PCDH9: variants seen among roughly 807,000 people sequenced by gnomAD.
PCDH9 encodes protocadherin-9.
PCDH9 carries 24 observed loss-of-function variants against 70.6 expected under a neutral mutation model. The observed-to-expected ratio is 0.34, with a 90% CI of 0.25 to 0.48. PCDH9 has a LOEUF of 0.48. PCDH9 is among the 20% of genes least tolerant of loss of function. The pLI is 0.99. For synonymous variants in PCDH9, 562 were observed against 558.5 expected, an observed-to-expected ratio of 1.01 and a Z score of -0.09; for missense variants, 1,281 against 1,503.6, an observed-to-expected ratio of 0.85 and a Z score of 2.45.
intron 4 of PCDH9, among the ~76,000 whole-genome samples, chr13:66,618,981 G>A (rs1566459521): frequency 6.6e-6 from 1 of 152,148 alleles, no homozygotes; most frequent in African/African-American, 2.4e-5. Flanking sequence ...CCTTAAAGAA[G>A]CTTAAACATG....
intron 4 of PCDH9, among the ~76,000 whole-genome samples, chr13:66,604,749 A>G (rs891035139): frequency 2.0e-5 from 3 of 152,092 alleles, no homozygotes; most frequent in Non-Finnish European, 4.4e-5. Flanking sequence ...ATATCTTTTC[A>G]ACGCCATCAT....
At position 67,225,505 on chromosome 13, in the gene PCDH9, G is replaced by A; in HGVS notation, c.2936C>T (p.Thr979Ile). The A allele has an allele frequency of 1.2e-6, 2 of 1,614,030 alleles. No individual in the cohort carries two copies. Among genetic ancestry groups the A allele is most frequent in the South Asian group, 1.1e-5 (1 of 91,076 alleles). ...ACTAGTGGAAGAGCGTTTAGAAAGG[G>A]TGTCACAACCCCCAACAAAGGTGTT... ...LDNTFVGGCD[T>I]LSKRSSTSSD... is the part of the protein sequence containing the mutation. Residue 979 changes from threonine to isoleucine, a missense_variant, in exon 2 of 5, where the codon ACC becomes ATC. Around this residue, in one of 4 missense-constraint regions of PCDH9, gnomAD observed 207 missense variants for 191.8 expected, o/e 1.08. Coordinates refer to ENST00000377865, the MANE Select transcript of PCDH9 (RefSeq NM_203487.3).
At chr13:66,535,626 A>G (rs1371333061) in intron 4 of PCDH9, among the ~76,000 whole-genome samples, 5 of 152,138 alleles carry the variant, frequency 3.3e-5, no homozygotes, top group Admixed American at 3.3e-4. Flanking sequence ...TGGATTGATT[A>G]TGAATGTAAC....
intron 4 of PCDH9, among the ~76,000 whole-genome samples, chr13:66,542,501 T>C (rs74500198): frequency 1.3e-5 from 2 of 151,736 alleles, no homozygotes; most frequent in African/African-American, 2.4e-5. Context: ...AAAGAAGAAG[T>C]TCTACTTCCA....
At chr13:66,861,563 G>A (rs1353795984) in intron 3 of PCDH9, among the ~76,000 whole-genome samples, 4 of 152,092 alleles carry the variant, frequency 2.6e-5, no homozygotes, top group Non-Finnish European at 4.4e-5. Context: ...TTTGAAGGGG[G>A]AAAAGGTTGT....
At chr13:67,190,543 T>C (rs145327139) in intron 2 of PCDH9, among the ~76,000 whole-genome samples, 43 of 152,072 alleles carry the variant, frequency 2.8e-4, no homozygotes, top group African/African-American at 9.9e-4. Context: ...AACTAGCAAA[T>C]TGAAGAATGT....
chr13:66,477,483 G>C (rs1399491422), intron 4 of PCDH9, among the ~76,000 whole-genome samples: 3 of 152,062 alleles, frequency 2.0e-5, no homozygotes, highest in Non-Finnish European at 4.4e-5. Context: ...ACAAGACATA[G>C]ATATCAAAAG....
At chr13:67,186,704 T>C (rs935780866) in intron 2 of PCDH9, among the ~76,000 whole-genome samples, 1 of 152,240 alleles carries the variant, frequency 6.6e-6, no homozygotes, top group South Asian at 2.1e-4. Context: ...TATCCCATTA[T>C]TACATATCCC....
At chr13:66,553,053 A>G (rs538199051) in intron 4 of PCDH9, among the ~76,000 whole-genome samples, 2 of 152,256 alleles carry the variant, frequency 1.3e-5, no homozygotes, top group East Asian at 1.9e-4. Flanking sequence ...CCAAGATTCA[A>G]TTACCTCTCA....
chr13:67,156,295 G>A (rs1457742108), intron 2 of PCDH9, among the ~76,000 whole-genome samples: 2 of 152,150 alleles, frequency 1.3e-5, no homozygotes, highest in Non-Finnish European at 2.9e-5. Flanking sequence ...AGCAGAAGAA[G>A]ATAGAGGCAG....
chr13:66,664,643 G>A (rs745700841), intron 3 of PCDH9, among the ~76,000 whole-genome samples: 4 of 152,088 alleles, frequency 2.6e-5, no homozygotes, highest in Non-Finnish European at 5.9e-5. Flanking sequence ...AATGGAAAAC[G>A]TGACTTATTT....
At chr13:67,138,382 C>A (rs372602815) in intron 2 of PCDH9, among the ~76,000 whole-genome samples, 1 of 152,002 alleles carries the variant, frequency 6.6e-6, no homozygotes, top group African/African-American at 2.4e-5. Context: ...ATTATTATAA[C>A]GGGTTTTGTT....
At chr13:67,049,300 T>C (rs1415705137) in intron 2 of PCDH9, among the ~76,000 whole-genome samples, 1 of 152,214 alleles carries the variant, frequency 6.6e-6, no homozygotes, top group African/African-American at 2.4e-5. Flanking sequence ...TAATGTTTTA[T>C]GAGGATGTAT....
chr13:66,817,592 T>C (rs1055910132), intron 3 of PCDH9, among the ~76,000 whole-genome samples: 1 of 152,176 alleles, frequency 6.6e-6, no homozygotes, highest in African/African-American at 2.4e-5. Flanking sequence ...TTCATACTAA[T>C]GATATTATGC....
intron 2 of PCDH9, among the ~76,000 whole-genome samples, chr13:66,933,904 A>G (rs974745292): frequency 4.0e-5 from 6 of 151,412 alleles, no homozygotes; most frequent in African/African-American, 1.2e-4. Flanking sequence ...AAAAAAAAAA[A>G]AAAGGGGGCG....
At chr13:66,964,264 TC>T (rs1184449630) in intron 2 of PCDH9, among the ~76,000 whole-genome samples, 1 of 151,878 alleles carries the variant, frequency 6.6e-6, no homozygotes, top group Non-Finnish European at 1.5e-5. Context: ...AGTACTTCCC[TC>T]TGTGCTTATA....
chr13:66,884,492 G>A (rs868729001), intron 3 of PCDH9, among the ~76,000 whole-genome samples: 3 of 152,142 alleles, frequency 2.0e-5, no homozygotes, highest in Non-Finnish European at 2.9e-5. Flanking sequence ...TTCTGTAGAC[G>A]TATGTTGAGA....
chr13:66,487,166 T>A (rs1958958225), intron 4 of PCDH9, among the ~76,000 whole-genome samples: 1 of 152,222 alleles, frequency 6.6e-6, no homozygotes, highest in African/African-American at 2.4e-5. Flanking sequence ...TCTCTTGTTT[T>A]GCCAGGATGC....
intron 3 of PCDH9, among the ~76,000 whole-genome samples, chr13:66,864,940 C>A (rs1040582479): frequency 6.6e-6 from 1 of 152,102 alleles, no homozygotes; most frequent in Non-Finnish European, 1.5e-5. Flanking sequence ...GTGGTGAGAA[C>A]CTGCAGGAAA....
Sources: gnomAD v4.1 joint callset for allele counts (sites outside exome capture counted in the v4.1 genomes callset) on GRCh38, gnomAD v4.1.1 for gene constraint, gnomAD v4.1.1 regional missense constraint, MANE v1.5 for transcripts, NCBI Gene and HGNC (gene_info 2026-07-23, HGNC 2026-07-21) for gene names.